The following ELMO1 variants were observed in gnomAD, a reference collection of about 807,000 sequenced individuals.
The protein encoded by ELMO1 is engulfment and cell motility protein 1.
ELMO1 carries 26 observed loss-of-function variants against 98.9 expected under a neutral mutation model. The observed-to-expected ratio is 0.26, with a 90% confidence interval of 0.19 to 0.36. ELMO1 has a LOEUF of 0.36. ELMO1 is among the 10% of genes least tolerant of loss of function. The pLI, the probability that ELMO1 is intolerant of heterozygous loss-of-function variation, is 1.00. For missense variants in ELMO1, 627 were observed against 935.2 expected (o/e 0.67, Z 4.30); for synonymous variants, 346 against 346.0 (o/e 1.00, Z 0.00).
intron 13 of ELMO1, among the ~76,000 whole-genome samples, chr7:37,172,959 A>G (rs1329181689): frequency 6.6e-6 from 1 of 152,206 alleles, no homozygotes; most frequent in Non-Finnish European, 1.5e-5. Flanking sequence ...TGCAAGGAGT[A>G]GAAGTCAGCA....
At chr7:37,248,918 TG>T (rs1196670902) in intron 6 of ELMO1, among the ~76,000 whole-genome samples, 2 of 152,232 alleles carry the variant, frequency 1.3e-5, no homozygotes, top group Non-Finnish European at 2.9e-5. Flanking sequence ...ATCTTTTGTG[TG>T]AAGGCAAAAT....
At position 37,154,632 on chromosome 7, in the gene ELMO1, C is replaced by T. The variant is rs549829421; in HGVS notation, c.1087-21398G>A. 4.0e-3 allele frequency among the ~76,000 whole-genome samples: 616 copies of T among 152,216 alleles called. 3 individuals carry two copies. The highest frequency in any genetic ancestry group is 0.011 in the African/African-American group (468 of 41,544). Reference sequence around the variant, plus strand: ...GATCAGAGAAAAGAGTGAAAAGAAACTAACAAAGCCTCTAAGAAATACGGG... The same window carrying T: ...GATCAGAGAAAAGAGTGAAAAGAAATTAACAAAGCCTCTAAGAAATACGGG... On this transcript the variant is annotated intron_variant, in intron 13 of 21. Transcript: ENST00000310758.
In ELMO1 at chr7:36,896,305, C is replaced by A. The variant is rs201044426; in HGVS notation, c.1438-1288G>T. ...TGTAGTTGAATCCTAGGATCCCAAG[C>A]AACCCACGAAGATGGATTTGGCATA... On this transcript the variant is annotated intron_variant, in intron 16 of 21. Coordinates refer to ENST00000310758, the MANE Select transcript of ELMO1 (RefSeq NM_014800.11). 6.6e-5 allele frequency among the ~76,000 whole-genome samples: 10 copies of A among 152,286 alleles called. No individual in the cohort carries two copies. In the East Asian group the frequency reaches 9.7e-4, roughly 15 times the overall value.
intron 15 of ELMO1, among the ~76,000 whole-genome samples, chr7:37,037,144 A>G (rs1795219003): frequency 1.3e-5 from 2 of 152,254 alleles, no homozygotes; most frequent in Non-Finnish European, 2.9e-5. Context: ...TCCACTAGTT[A>G]AACTCACAGC....
Position 37,345,329 on chromosome 7 carries a change from C to G in ELMO1, c.-73-2566G>C, listed in dbSNP as rs141174889. 3.0e-3 allele frequency among the ~76,000 whole-genome samples: 459 copies of G among 152,216 alleles called. 5 individuals are homozygous for G. Among genetic ancestry groups the G allele is most frequent in the African/African-American group, 0.011 (447 of 41,542 alleles). On this transcript the variant is annotated intron_variant, in intron 1 of 21. Transcript: ENST00000310758. ...AATCAAGCAGCGAAGGAAACTGAAGCCTGTGCCTCTACCAGTGTGGGAGGG... is the reference window on the plus strand; with the variant it reads ...AATCAAGCAGCGAAGGAAACTGAAGGCTGTGCCTCTACCAGTGTGGGAGGG...
chr7:37,277,721 G>A (rs1024821587), intron 4 of ELMO1, among the ~76,000 whole-genome samples: 2 of 152,212 alleles, frequency 1.3e-5, no homozygotes, highest in African/African-American at 2.4e-5. Context: ...CATGAGAAAG[G>A]AATCCAGAGC....
intron 15 of ELMO1, among the ~76,000 whole-genome samples, chr7:37,084,759 CTTTT>C (rs930490621): frequency 1.4e-5 from 2 of 142,004 alleles, no homozygotes; most frequent in African/African-American, 5.2e-5. Flanking sequence ...AAGCAAATTC[CTTTT>C]TTTTTTTTTT....
At chr7:37,010,353 G>A (rs1793459088) in intron 16 of ELMO1, among the ~76,000 whole-genome samples, 1 of 152,194 alleles carries the variant, frequency 6.6e-6, no homozygotes, top group Admixed American at 6.5e-5. Flanking sequence ...CTGAGAATAC[G>A]TTACCTTCTG....
intron 13 of ELMO1, among the ~76,000 whole-genome samples, chr7:37,140,711 G>A (rs1787580581): frequency 6.6e-6 from 1 of 152,050 alleles, no homozygotes; most frequent in African/African-American, 2.4e-5. Flanking sequence ...CCACCAAAAA[G>A]TGGGCTAAGA....
At chr7:37,304,832 T>C (rs1050868491) in intron 4 of ELMO1, among the ~76,000 whole-genome samples, 8 of 152,022 alleles carry the variant, frequency 5.3e-5, no homozygotes, top group African/African-American at 1.7e-4. Context: ...CTGCTCCAAG[T>C]TTTGTTTTAA....
intron 13 of ELMO1, among the ~76,000 whole-genome samples, chr7:37,149,254 T>C (rs1044466888): frequency 6.6e-6 from 1 of 152,154 alleles, no homozygotes; most frequent in Non-Finnish European, 1.5e-5. Context: ...AAAACCTTTC[T>C]CCCTGAAGAT....
chr7:37,071,171 T>C (rs750791105), intron 15 of ELMO1, among the ~76,000 whole-genome samples: 1 of 152,164 alleles, frequency 6.6e-6, no homozygotes, highest in Non-Finnish European at 1.5e-5. Flanking sequence ...TCGATGACTC[T>C]GACTTAAAAA....
At chr7:37,297,302 G>C (rs1798082395) in intron 4 of ELMO1, among the ~76,000 whole-genome samples, 1 of 152,120 alleles carries the variant, frequency 6.6e-6, no homozygotes, top group Admixed American at 6.5e-5. Flanking sequence ...CCTGTGAAAA[G>C]TTGCTGAAAT....
intron 13 of ELMO1, among the ~76,000 whole-genome samples, chr7:37,152,444 CTT>C (rs11421529): frequency 0.62 from 88,542 of 143,750 alleles, 28,872 homozygotes; most frequent in Non-Finnish European, 0.74. Context: ...AATGTTGGGG[CTT>C]TTTTTTTTTT....
At chr7:37,078,139 G>A (rs535112250) in intron 15 of ELMO1, among the ~76,000 whole-genome samples, 66 of 152,190 alleles carry the variant, frequency 4.3e-4, no homozygotes, top group Non-Finnish European at 7.6e-4. Context: ...GAAGGAAAAC[G>A]TAAATAGAAT....
At chr7:37,272,869 G>A (rs1417843232) in intron 4 of ELMO1, among the ~76,000 whole-genome samples, 1 of 152,180 alleles carries the variant, frequency 6.6e-6, no homozygotes. Flanking sequence ...AAGGCTGGGG[G>A]AGGGAGGGAA....
chr7:36,897,911 G>GC, intron 16 of ELMO1, among the ~76,000 whole-genome samples: 1 of 152,282 alleles, frequency 6.6e-6, no homozygotes, highest in South Asian at 2.1e-4. Flanking sequence ...CAGGCACCTG[G>GC]CCCCAGAGGA....
intron 13 of ELMO1, among the ~76,000 whole-genome samples, chr7:37,155,560 A>T (rs1353826065): frequency 3.3e-5 from 5 of 151,828 alleles, no homozygotes. Flanking sequence ...ACCAACAAAG[A>T]TCAAAAGAGA....
intron 21 of ELMO1, among the ~76,000 whole-genome samples, chr7:36,858,073 G>A (rs1029365253): frequency 4.6e-5 from 7 of 152,096 alleles, no homozygotes; most frequent in Non-Finnish European, 5.9e-5. Context: ...CTCAACCCCT[G>A]CCCCCAAATG....
Sources: gnomAD v4.1 joint callset for allele counts (sites outside exome capture counted in the v4.1 genomes callset) on GRCh38, gnomAD v4.1.1 for gene constraint, MANE v1.5 for transcripts, NCBI Gene and HGNC (gene_info 2026-07-23, HGNC 2026-07-21) for gene names.